The following ERC2 variants were observed in gnomAD, a reference collection of about 807,000 sequenced individuals.
ERC2 encodes the protein ELKS/RAB6-interacting/CAST family member 2.
In ERC2, 42 loss-of-function variants were observed where a neutral mutation model predicts 114.8. The observed-to-expected ratio is 0.37, with a 90% CI of 0.29 to 0.47. ERC2 has a LOEUF of 0.47. Among genes scored for constraint, ERC2 ranks in the 20% least tolerant of loss-of-function variants. ERC2 has a pLI of 0.99. For synonymous variants in ERC2, 454 were observed against 425.5 expected (o/e 1.07, Z -0.82); for missense variants, 939 against 1,150.7 (o/e 0.82, Z 2.66).
rs997434246 is a variant in ERC2, at chr3:55,510,352, G to C, written c.*964C>G. Reference sequence around the variant, plus strand: ...GCACAGCATTTGGATCTTGAAATGTGAATGAGTCCCAGCTTCTTCATGGAG... The same window carrying C: ...GCACAGCATTTGGATCTTGAAATGTCAATGAGTCCCAGCTTCTTCATGGAG... On this transcript the variant is annotated 3_prime_UTR_variant, in exon 18 of 18. Coordinates refer to ENST00000288221, the MANE Select transcript of ERC2 (RefSeq NM_015576.3). 2 of 152,262 alleles carry C rather than the reference G, an allele frequency of 1.3e-5. No individual in the cohort carries two copies. Among genetic ancestry groups the C allele is most frequent in the Non-Finnish European group, 2.9e-5 (2 of 68,020 alleles). 9.4% of individuals were successfully genotyped at this position (152,262 alleles called of 1,614,324 possible). A position where few individuals can be genotyped will look rare whatever the true frequency, so the allele number is the denominator to read the frequency against.
At chr3:55,986,571 C>G (rs1259836643) in intron 11 of ERC2, among the ~76,000 whole-genome samples, 2 of 152,110 alleles carry the variant, frequency 1.3e-5, no homozygotes, top group African/African-American at 2.4e-5. Context: ...TAGCAATGAT[C>G]AAAGACCCCC....
At chr3:56,178,733 C>G (rs1010370397) in intron 3 of ERC2, among the ~76,000 whole-genome samples, 1 of 151,962 alleles carries the variant, frequency 6.6e-6, no homozygotes, top group Non-Finnish European at 1.5e-5. Flanking sequence ...AATATCCCAG[C>G]CTTCATAGTT....
chr3:55,950,315 C>T (rs79996281), intron 13 of ERC2, 110 bp downstream of exon 13: 1 of 1,392,988 alleles, frequency 7.2e-7, no homozygotes, highest in Non-Finnish European at 9.7e-7. Context: ...AGACTCAGGG[C>T]AAAGGCAAAG....
chr3:55,739,227 C>A (rs1204499787), intron 14 of ERC2, among the ~76,000 whole-genome samples: 1 of 152,182 alleles, frequency 6.6e-6, no homozygotes, highest in Non-Finnish European at 1.5e-5. Context: ...CATACATGTG[C>A]ATGTGTCTTT....
intron 3 of ERC2, among the ~76,000 whole-genome samples, chr3:56,234,551 C>A (rs987796716): frequency 1.3e-5 from 2 of 152,180 alleles, no homozygotes; most frequent in African/African-American, 4.8e-5. Context: ...ATTTCTGGGA[C>A]ATTCAGATGG....
At chr3:55,696,488 C>T (rs1386731346) in intron 16 of ERC2, among the ~76,000 whole-genome samples, 1 of 152,168 alleles carries the variant, frequency 6.6e-6, no homozygotes, top group Non-Finnish European at 1.5e-5. Flanking sequence ...ATCTCATCCA[C>T]ATCACCCCAT....
intron 2 of ERC2, among the ~76,000 whole-genome samples, chr3:56,351,568 C>T (rs2058554384): frequency 6.6e-6 from 1 of 152,174 alleles, no homozygotes; most frequent in Non-Finnish European, 1.5e-5. Flanking sequence ...CTAAGCAGCT[C>T]ATTACATGTT....
chr3:56,426,726 C>T (rs2061584111), intron 2 of ERC2, among the ~76,000 whole-genome samples: 1 of 152,146 alleles, frequency 6.6e-6, no homozygotes, highest in African/African-American at 2.4e-5. Flanking sequence ...AACCCAACCT[C>T]CAGTTTAACC....
chr3:55,691,814 C>T (rs1237274907), intron 16 of ERC2, among the ~76,000 whole-genome samples: 1 of 151,656 alleles, frequency 6.6e-6, no homozygotes, highest in Non-Finnish European at 1.5e-5. Context: ...TATTTATGTG[C>T]ACACATACAT....
intron 7 of ERC2, among the ~76,000 whole-genome samples, chr3:56,039,480 T>C (rs772059545): frequency 6.6e-5 from 10 of 152,082 alleles, no homozygotes; most frequent in Non-Finnish European, 1.5e-4. Context: ...CTATAAAACA[T>C]TGCTAAAAGC....
At chr3:55,926,726 G>C (rs1385673171) in intron 13 of ERC2, among the ~76,000 whole-genome samples, 4 of 151,972 alleles carry the variant, frequency 2.6e-5, no homozygotes, top group African/African-American at 9.7e-5. Context: ...TTCCTGCCAG[G>C]TCCTCCAGCC....
At chr3:56,351,100 A>G (rs1295441193) in intron 2 of ERC2, among the ~76,000 whole-genome samples, 2 of 152,156 alleles carry the variant, frequency 1.3e-5, no homozygotes, top group Non-Finnish European at 2.9e-5. Flanking sequence ...TGATACTATT[A>G]ATGGTATTTA....
chr3:55,986,593 T>C (rs1226950377), intron 11 of ERC2, among the ~76,000 whole-genome samples: 1 of 152,110 alleles, frequency 6.6e-6, no homozygotes, highest in Non-Finnish European at 1.5e-5. Flanking sequence ...GAGGAGGGCT[T>C]TTGGTGGTGT....
intron 14 of ERC2, among the ~76,000 whole-genome samples, chr3:55,776,811 T>C (rs1452068645): frequency 1.3e-5 from 2 of 152,180 alleles, no homozygotes; most frequent in East Asian, 1.9e-4. Context: ...TGGAGTAACA[T>C]AGCACCCAAC....
At chr3:55,758,834 T>C (rs2067229981) in intron 14 of ERC2, among the ~76,000 whole-genome samples, 1 of 152,178 alleles carries the variant, frequency 6.6e-6, no homozygotes, top group Admixed American at 6.5e-5. Context: ...GGTGAATGGA[T>C]CAAATACAGT....
chr3:55,980,371 C>T (rs1245772278), intron 12 of ERC2, among the ~76,000 whole-genome samples: 1 of 152,078 alleles, frequency 6.6e-6, no homozygotes, highest in African/African-American at 2.4e-5. Context: ...TAAATAGGTC[C>T]CCCCAAAATG....
chr3:56,430,421 G>A (rs375977055), intron 2 of ERC2, among the ~76,000 whole-genome samples: 4 of 152,286 alleles, frequency 2.6e-5, no homozygotes, highest in Middle Eastern at 3.4e-3. Flanking sequence ...AGTGGCTCAC[G>A]CCTGTAATCA....
At chr3:55,932,352 A>G (rs1188597280) in intron 13 of ERC2, among the ~76,000 whole-genome samples, 1 of 152,174 alleles carries the variant, frequency 6.6e-6, no homozygotes, top group Non-Finnish European at 1.5e-5. Flanking sequence ...TATGACATCT[A>G]TTGCTATTGC....
chr3:56,101,604 C>T (rs760001728), intron 6 of ERC2, among the ~76,000 whole-genome samples: 2 of 152,102 alleles, frequency 1.3e-5, no homozygotes, highest in Non-Finnish European at 2.9e-5. Flanking sequence ...ATCAACCGGG[C>T]CTCCCCAGCC....
Sources: allele counts gnomAD v4.1 joint callset (sites outside exome capture counted in the v4.1 genomes callset), GRCh38; gene constraint gnomAD v4.1.1; transcripts MANE v1.5; gene names NCBI Gene and HGNC (gene_info 2026-07-23, HGNC 2026-07-21).